Variants in RIN2 observed in about 807,000 individuals in gnomAD.
RIN2 encodes RAB5 interacting protein 2.
Under a neutral mutation model 78.0 loss-of-function variants are expected in RIN2, and 36 were observed. That is an observed-to-expected ratio of 0.46 (90% confidence interval 0.35 to 0.61). The LOEUF is 0.61. Among genes scored for constraint, RIN2 ranks in the 20% least tolerant of loss-of-function variants. RIN2 has a pLI of 0.00. For missense variants in RIN2, 1,087 were observed against 1,159.7 expected, an observed-to-expected ratio of 0.94 and a Z score of 0.91; for synonymous variants, 466 against 466.8, an observed-to-expected ratio of 1.00 and a Z score of 0.02.
chr20:19,974,605 C>G, intron 8 of RIN2, 49 bp from the exon 9 acceptor site: 4 of 1,552,836 alleles, frequency 2.6e-6, no homozygotes, highest in Non-Finnish European at 3.5e-6. Context: ...AAGGAATGGT[C>G]TGAGTGTACC....
chr20:19,947,124 C>T lies in RIN2; in HGVS notation c.159-9491C>T, dbSNP rs551541037. 4.6e-5 allele frequency among the ~76,000 whole-genome samples: 7 copies of T among 151,730 alleles called. No individual in the cohort carries two copies. In the East Asian group the frequency reaches 1.2e-3, roughly 25 times the overall value. On this transcript the variant is annotated intron_variant, in intron 4 of 12. Transcript: ENST00000255006. ...TAAGTAATGGCCATTAAAATTAAAA[C>T]CATGCCTCCATGGATTACCTTGATG... is the stretch of plus-strand genomic sequence containing the variant.
At chr20:19,829,055 C>T (rs1215831489) in intron 2 of RIN2, among the ~76,000 whole-genome samples, 2 of 152,156 alleles carry the variant, frequency 1.3e-5, no homozygotes, top group Non-Finnish European at 2.9e-5. Flanking sequence ...CTGGGATCCT[C>T]AGCAGAGAAT....
At chr20:19,918,795 C>A (rs1168980004) in intron 3 of RIN2, among the ~76,000 whole-genome samples, 3 of 150,874 alleles carry the variant, frequency 2.0e-5, no homozygotes, top group African/African-American at 4.9e-5. Flanking sequence ...AGACAAAATA[C>A]AAAATGACAT....
At position 19,899,915 on chromosome 20, in the gene RIN2, T is replaced by C. The variant is rs112013070; in HGVS notation, c.57+10257T>C. ...CAGGCTGTGGCTTACACTGGGAACA[T>C]CTTAGGGAGCGCAACATAGAAAAAC... On this transcript the variant is annotated intron_variant, in intron 3 of 12. Transcript: ENST00000255006. 5.7e-3 allele frequency among the ~76,000 whole-genome samples: 864 copies of C among 152,234 alleles called. 12 individuals are homozygous for C. The highest frequency in any genetic ancestry group is 0.02 in the African/African-American group (828 of 41,542).
intron 9 of RIN2, among the ~76,000 whole-genome samples, chr20:19,986,537 C>A (rs1324420639): frequency 6.6e-6 from 1 of 152,194 alleles, no homozygotes; most frequent in African/African-American, 2.4e-5. Flanking sequence ...CCCTTTTATA[C>A]CCAAGGGTGG....
At chr20:19,889,526 T>C (rs1393400207) in intron 2 of RIN2, 40 bp from the exon 3 acceptor site, 4 of 1,522,144 alleles carry the variant, frequency 2.6e-6, no homozygotes, top group Non-Finnish European at 3.6e-6. Context: ...AGGAATTTCC[T>C]ACAGGCTGGA....
intron 3 of RIN2, among the ~76,000 whole-genome samples, chr20:19,896,394 TG>T (rs1412466411): frequency 6.6e-6 from 1 of 152,224 alleles, no homozygotes; most frequent in Non-Finnish European, 1.5e-5. Flanking sequence ...TTCTCCACGT[TG>T]GCCAGGCTGG....
chr20:19,984,536 G>A (rs1341629233), intron 9 of RIN2, among the ~76,000 whole-genome samples: 2 of 152,216 alleles, frequency 1.3e-5, no homozygotes, highest in Admixed American at 6.5e-5. Flanking sequence ...CGAGGCTGAG[G>A]TGGGTGGATC....
intron 1 of RIN2, among the ~76,000 whole-genome samples, chr20:19,758,591 G>A (rs1274370247): frequency 1.3e-5 from 2 of 152,204 alleles, no homozygotes; most frequent in East Asian, 1.9e-4. Context: ...GCTGGTCCCG[G>A]CAGGGTCACC....
intron 1 of RIN2, among the ~76,000 whole-genome samples, chr20:19,785,297 C>T (rs7275002): frequency 1.1e-4 from 17 of 152,088 alleles, no homozygotes; most frequent in South Asian, 4.2e-4. Flanking sequence ...CACACACACA[C>T]ACACCAGAGC....
At chr20:19,872,209 A>G (rs1350231163) in intron 2 of RIN2, 2 of 152,048 alleles carry the variant, frequency 1.3e-5, no homozygotes, top group African/African-American at 2.4e-5. Flanking sequence ...CCCTTCCACT[A>G]TGATTGTAAG....
chr20:19,883,337 C>CTT (rs35438191), intron 2 of RIN2, among the ~76,000 whole-genome samples: 7 of 118,534 alleles, frequency 5.9e-5, no homozygotes, highest in African/African-American at 1.6e-4. Flanking sequence ...AAAGAGAGGA[C>CTT]TTTTTTTTTT....
chr20:19,884,143 G>A (rs774999522), intron 2 of RIN2, among the ~76,000 whole-genome samples: 2 of 151,690 alleles, frequency 1.3e-5, no homozygotes, highest in East Asian at 2.0e-4. Context: ...AGGACCAGGC[G>A]TGGTGGTTTA....
In RIN2 at chr20:20,001,059, A is replaced by C; in HGVS notation, c.*123A>C. 1.1e-6 allele frequency: 1 copy of C among 894,914 alleles called. No individual in the cohort carries two copies. Among genetic ancestry groups the C allele is most frequent in the East Asian group, 2.6e-5 (1 of 38,030 alleles). 55.4% of individuals were successfully genotyped at this position (894,914 alleles called of 1,614,324 possible). On this transcript the variant is annotated 3_prime_UTR_variant, in exon 13 of 13. Coordinates refer to ENST00000255006, the MANE Select transcript of RIN2 (RefSeq NM_018993.4). ...CGGGGACCCCTCAGTGTAGTGACTA[A>C]GCCATCCACAGGCCAACTCGGCCAA...
chr20:19,809,813 T>C (rs1050805982), intron 2 of RIN2: 2 of 151,980 alleles, frequency 1.3e-5, no homozygotes, highest in African/African-American at 2.4e-5. Context: ...GGTGCACACA[T>C]ACATGAACCA....
At chr20:19,863,669 T>C (rs192517710) in intron 2 of RIN2, among the ~76,000 whole-genome samples, 1 of 152,336 alleles carries the variant, frequency 6.6e-6, no homozygotes, top group Non-Finnish European at 1.5e-5. Context: ...TCAGGACCAC[T>C]TTCCCAGAAA....
Position 19,953,413 on chromosome 20 carries a change from C to T in RIN2, c.159-3202C>T, listed in dbSNP as rs73605559. On this transcript the variant is annotated intron_variant, in intron 4 of 12. Coordinates refer to ENST00000255006, the MANE Select transcript of RIN2 (RefSeq NM_018993.4). ...TCCCAAAGTGTGCTGGGATTACAGG[C>T]GTGAGCCACTGCACCTGGCTTTTCT... is the stretch of plus-strand genomic sequence containing the variant. Among the ~76,000 whole-genome samples, 3,504 of 151,958 alleles carry T rather than the reference C, an allele frequency of 0.023. 345 individuals are homozygous for T. The East Asian group carries it at 0.31, about 14-fold the overall frequency.
At chr20:19,840,470 G>T (rs926548656) in intron 2 of RIN2, among the ~76,000 whole-genome samples, 5 of 152,160 alleles carry the variant, frequency 3.3e-5, no homozygotes, top group African/African-American at 1.2e-4. Flanking sequence ...TTTTTAAAGC[G>T]CAAACACACA....
chr20:19,992,144 A>G (rs751258036), intron 10 of RIN2, 24 bp from the exon 11 acceptor site: 4 of 1,607,778 alleles, frequency 2.5e-6, no homozygotes, highest in Admixed American at 1.7e-5. Flanking sequence ...AAAATATTCC[A>G]TCTCCTTCTC....
Sources: gnomAD v4.1 joint callset for allele counts (sites outside exome capture counted in the v4.1 genomes callset) on GRCh38, gnomAD v4.1.1 for gene constraint, MANE v1.5 for transcripts, NCBI Gene and HGNC (gene_info 2026-07-23, HGNC 2026-07-21) for gene names.